GPATCH2: variants seen among roughly 807,000 people sequenced by gnomAD.
GPATCH2 encodes G patch domain-containing protein 2.
Under a neutral mutation model 58.0 loss-of-function variants are expected in GPATCH2, and 51 were observed. That is an observed-to-expected ratio of 0.88 (90% CI 0.70 to 1.11). The LOEUF (loss-of-function observed/expected upper bound fraction) is 1.11, where lower values mean the gene tolerates loss of function less well. Ranked by LOEUF, GPATCH2 falls within the 50% of genes most tolerant of loss-of-function variation. The pLI is 0.00. For missense variants in GPATCH2, 625 were observed against 652.2 expected (o/e 0.96, Z 0.45); for synonymous variants, 222 against 218.5 (o/e 1.02, Z -0.14).
chr1:217,608,751 G>A (rs1251347277), intron 5 of GPATCH2: 16 of 980,102 alleles, frequency 1.6e-5, no homozygotes, highest in Non-Finnish European at 1.7e-5. Flanking sequence ...ATGTAATTCA[G>A]AAAAAAAACA....
chr1:217,566,101 CAAAAAAAAAAAA>C (rs59608962), intron 5 of GPATCH2, among the ~76,000 whole-genome samples: 10,039 of 47,668 alleles, frequency 0.21, 793 homozygotes, highest in African/African-American at 0.36. Context: ...AACTCCGTCT[CAAAAAAAAAAAA>C]AAAAAAAAAA....
intron 5 of GPATCH2, among the ~76,000 whole-genome samples, chr1:217,552,633 G>C (rs1410108754): frequency 6.6e-6 from 1 of 152,144 alleles, no homozygotes; most frequent in East Asian, 1.9e-4. Context: ...CTCACACTCT[G>C]AAAACAAATT....
At position 217,427,966 on chromosome 1, in the gene GPATCH2, GT is replaced by G. The variant is rs1228464889; in HGVS notation, c.*3178del. The G allele has an allele frequency of 6.6e-6, 1 of 152,070 alleles. No individual in the cohort carries two copies. Among genetic ancestry groups the G allele is most frequent in the Non-Finnish European group, 1.5e-5 (1 of 68,000 alleles). The allele number at this position is 152,070 out of a possible 1,614,324, so 9.4% of individuals were successfully genotyped here. On this transcript the variant is annotated 3_prime_UTR_variant, in exon 10 of 10. Transcript: ENST00000366935. ...CACAGTATGAGTTATAAAATATATG[GT>G]ATTTAAATGCTGAGACCAATTTATT...
intron 5 of GPATCH2, among the ~76,000 whole-genome samples, chr1:217,554,284 C>T (rs1327740824): frequency 1.3e-5 from 2 of 152,166 alleles, no homozygotes; most frequent in Non-Finnish European, 2.9e-5. Context: ...CTATAATTGC[C>T]ACCTCCACCT....
chr1:217,606,545 A>G (rs1206378455), intron 5 of GPATCH2, among the ~76,000 whole-genome samples: 1 of 152,134 alleles, frequency 6.6e-6, no homozygotes, highest in Non-Finnish European at 1.5e-5. Flanking sequence ...GTTTGATACC[A>G]GCCTGGACAA....
At chr1:217,557,223 G>A (rs1303547173) in intron 5 of GPATCH2, among the ~76,000 whole-genome samples, 2 of 151,776 alleles carry the variant, frequency 1.3e-5, no homozygotes, top group African/African-American at 2.4e-5. Flanking sequence ...CCTGGCTAAC[G>A]TGGTGAAACC....
chr1:217,468,077 G>A (rs1162991025), intron 8 of GPATCH2, among the ~76,000 whole-genome samples: 1 of 151,756 alleles, frequency 6.6e-6, no homozygotes, highest in Non-Finnish European at 1.5e-5. Context: ...CATATAATAA[G>A]GGGAAAGAAT....
At chr1:217,496,535 T>C (rs1429551012) in intron 7 of GPATCH2, among the ~76,000 whole-genome samples, 1 of 152,188 alleles carries the variant, frequency 6.6e-6, no homozygotes, top group Non-Finnish European at 1.5e-5. Flanking sequence ...AGTGCTAAAG[T>C]GCTGTCTAGT....
intron 9 of GPATCH2, among the ~76,000 whole-genome samples, chr1:217,442,466 T>C (rs536123715): frequency 2.3e-4 from 35 of 152,318 alleles, no homozygotes; most frequent in Admixed American, 3.9e-4. Flanking sequence ...GTTCTGCACA[T>C]GTATGCCAGA....
At chr1:217,573,305 T>C (rs1666653455) in intron 5 of GPATCH2, among the ~76,000 whole-genome samples, 2 of 152,090 alleles carry the variant, frequency 1.3e-5, no homozygotes, top group Admixed American at 6.6e-5. Flanking sequence ...TGTTGTAAAA[T>C]GAGGAAAGTT....
rs1234364595 is a variant in GPATCH2, at chr1:217,620,629, C to T, written c.57-130G>A. 7 of 614,498 alleles carry T rather than the reference C, an allele frequency of 1.1e-5. No homozygotes were observed. The East Asian group carries it at 1.9e-4, about 17-fold the overall frequency. 38.1% of individuals were successfully genotyped at this position (614,498 alleles called of 1,614,324 possible). A position where few individuals can be genotyped will look rare whatever the true frequency, so the allele number is the denominator to read the frequency against. ...TACAAAATGTTTCAAAGCTAATTTT[C>T]CTATCCAAGATATTACAGTTTTAAA... On this transcript the variant is annotated intron_variant, in intron 1 of 9. Coordinates refer to ENST00000366935, the MANE Select transcript of GPATCH2 (RefSeq NM_018040.5).
At chr1:217,578,412 G>A (rs898622840) in intron 5 of GPATCH2, among the ~76,000 whole-genome samples, 2 of 151,958 alleles carry the variant, frequency 1.3e-5, no homozygotes, top group Non-Finnish European at 2.9e-5. Flanking sequence ...CACCAGGCCC[G>A]ACTAATTTTT....
chr1:217,533,978 G>A (rs984105448), intron 5 of GPATCH2, among the ~76,000 whole-genome samples: 3 of 152,074 alleles, frequency 2.0e-5, no homozygotes, highest in Non-Finnish European at 1.5e-5. Context: ...CACTTTAGGA[G>A]GCCAAGGTGG....
At chr1:217,477,623 G>A (rs2102512276) in intron 8 of GPATCH2, among the ~76,000 whole-genome samples, 1 of 152,270 alleles carries the variant, frequency 6.6e-6, no homozygotes, top group African/African-American at 2.4e-5. Context: ...TGGCCATGGG[G>A]TGAGGATCCT....
At chr1:217,485,288 GA>G (rs1661405795) in intron 8 of GPATCH2, among the ~76,000 whole-genome samples, 1 of 152,142 alleles carries the variant, frequency 6.6e-6, no homozygotes, top group African/African-American at 2.4e-5. Context: ...CTGCATAAGA[GA>G]GATCTTTACT....
Position 217,490,605 on chromosome 1 carries a change from C to A in GPATCH2, c.1277+1075G>T, listed in dbSNP as rs1661676952. Among the ~76,000 whole-genome samples the A allele has an allele frequency of 3.3e-5, 5 of 152,274 alleles. 1 individual carries two copies. The South Asian group carries it at 8.3e-4, about 25-fold the overall frequency. Reference sequence around the variant, plus strand: ...TTCTTCAGATGTATCTTTCCTTTCACTAATTATCTCTTGAACAATCACATT... The same window carrying A: ...TTCTTCAGATGTATCTTTCCTTTCAATAATTATCTCTTGAACAATCACATT... On this transcript the variant is annotated intron_variant, in intron 8 of 9. Coordinates refer to ENST00000366935, the MANE Select transcript of GPATCH2 (RefSeq NM_018040.5).
intron 6 of GPATCH2, among the ~76,000 whole-genome samples, chr1:217,504,505 T>C (rs764868198): frequency 6.6e-5 from 10 of 152,220 alleles, no homozygotes; most frequent in Non-Finnish European, 8.8e-5. Context: ...GAAAATGTGG[T>C]AGAAGTAGTA....
intron 8 of GPATCH2, among the ~76,000 whole-genome samples, chr1:217,484,560 A>ATATATT (rs929384479): frequency 6.9e-6 from 1 of 145,614 alleles, no homozygotes; most frequent in East Asian, 2.0e-4. Context: ...AATTATTTAT[A>ATATATT]TATATATATA....
chr1:217,600,322 C>T (rs1203172652), intron 5 of GPATCH2, among the ~76,000 whole-genome samples: 4 of 152,096 alleles, frequency 2.6e-5, no homozygotes, highest in Non-Finnish European at 2.9e-5. Context: ...TCCTGGATGA[C>T]AGTCAACAAA....
Sources: gnomAD v4.1 joint callset for allele counts (sites outside exome capture counted in the v4.1 genomes callset) on GRCh38, gnomAD v4.1.1 for gene constraint, MANE v1.5 for transcripts, NCBI Gene and HGNC (gene_info 2026-07-23, HGNC 2026-07-21) for gene names.